The following FBXW7 variants were observed in gnomAD, a reference collection of about 807,000 sequenced individuals.
The protein encoded by FBXW7 is F-box/WD repeat-containing protein 7.
A neutral mutation model predicts 86.3 loss-of-function variants in FBXW7; 11 were observed. The observed-to-expected ratio is 0.13, with a 90% CI of 0.08 to 0.21. The LOEUF is 0.21. Among genes scored for constraint, FBXW7 ranks in the 10% least tolerant of loss-of-function variants. The pLI is 1.00. For missense variants in FBXW7, 488 were observed against 847.4 expected (o/e 0.58, Z 5.27); for synonymous variants, 313 against 297.9 (o/e 1.05, Z -0.52).
At chr4:152,468,731 T>A (rs1235089078) in intron 2 of FBXW7, among the ~76,000 whole-genome samples, 1 of 152,068 alleles carries the variant, frequency 6.6e-6, no homozygotes, top group African/African-American at 2.4e-5. Context: ...GTATATAAAT[T>A]TCATCTCAAT....
chr4:152,354,227 T>A lies in FBXW7; in HGVS notation c.502-4103A>T, dbSNP rs530744042. ...TTATATTCTACTGTCTACTTATCTT[T>A]AAAAAAAATCTCCTACCTGGCTCTT... On this transcript the variant is annotated intron_variant, in intron 4 of 13. Transcript: ENST00000281708. 9.9e-5 allele frequency among the ~76,000 whole-genome samples: 15 copies of A among 152,062 alleles called. No homozygotes were observed. The South Asian group carries it at 3.1e-3, about 32-fold the overall frequency.
At chr4:152,431,653 C>T (rs565461633) in intron 2 of FBXW7, among the ~76,000 whole-genome samples, 3 of 152,154 alleles carry the variant, frequency 2.0e-5, no homozygotes, top group Non-Finnish European at 4.4e-5. Flanking sequence ...CTGAACAATA[C>T]TTACCAAATG....
chr4:152,376,637 T>A (rs1579037382), intron 4 of FBXW7, among the ~76,000 whole-genome samples: 3 of 152,080 alleles, frequency 2.0e-5, no homozygotes, highest in African/African-American at 7.2e-5. Context: ...AACTGAACAA[T>A]GAAGAAAAAC....
chr4:152,362,845 A>AAC (rs1553961875), intron 4 of FBXW7, among the ~76,000 whole-genome samples: 5 of 151,638 alleles, frequency 3.3e-5, no homozygotes, highest in Admixed American at 2.6e-4. Flanking sequence ...AAAAAAAAAA[A>AAC]AAAACAACAA....
intron 2 of FBXW7, among the ~76,000 whole-genome samples, chr4:152,429,565 G>A (rs962989241): frequency 2.0e-4 from 30 of 152,134 alleles, no homozygotes; most frequent in African/African-American, 7.0e-4. Context: ...GATACAGCAA[G>A]ATACTAAGTA....
chr4:152,434,508 CTAA>C (rs1251127320), intron 2 of FBXW7, among the ~76,000 whole-genome samples: 1 of 152,148 alleles, frequency 6.6e-6, no homozygotes, highest in African/African-American at 2.4e-5. Flanking sequence ...ACCCCCTGTC[CTAA>C]TAATACTGCA....
intron 2 of FBXW7, among the ~76,000 whole-genome samples, chr4:152,464,467 C>T (rs1743231076): frequency 6.6e-6 from 1 of 152,154 alleles, no homozygotes; most frequent in African/African-American, 2.4e-5. Flanking sequence ...AGGGATAGGA[C>T]TGTTCATTTG....
chr4:152,397,770 G>C lies in FBXW7; in HGVS notation c.501+13533C>G, dbSNP rs1276162596. Among the ~76,000 whole-genome samples, 4 of 146,648 alleles carry C rather than the reference G, an allele frequency of 2.7e-5. No individual in the cohort carries two copies. The Admixed American group carries it at 2.7e-4, about 10-fold the overall frequency. On this transcript the variant is annotated intron_variant, in intron 4 of 13. Coordinates refer to ENST00000281708, the MANE Select transcript of FBXW7 (RefSeq NM_001349798.2). ...GTTTAAATATTCTTTACTCCACGATGATTAGGTGGTTATACCCCACAATAT... is the reference window on the plus strand; with the variant it reads ...GTTTAAATATTCTTTACTCCACGATCATTAGGTGGTTATACCCCACAATAT...
chr4:152,343,547 T>A (rs1182251667), intron 6 of FBXW7, among the ~76,000 whole-genome samples: 1 of 152,178 alleles, frequency 6.6e-6, no homozygotes, highest in Non-Finnish European at 1.5e-5. Flanking sequence ...TAAGAGACAA[T>A]GTCAAAATTT....
intron 2 of FBXW7, among the ~76,000 whole-genome samples, chr4:152,417,340 G>A (rs987513942): frequency 2.0e-5 from 3 of 152,092 alleles, no homozygotes; most frequent in African/African-American, 7.2e-5. Flanking sequence ...TCATATTCTA[G>A]CTAGTTGCAG....
chr4:152,373,110 G>A (rs766313710), intron 4 of FBXW7, among the ~76,000 whole-genome samples: 8 of 152,084 alleles, frequency 5.3e-5, no homozygotes, highest in East Asian at 3.9e-4. Flanking sequence ...CTCCAGATCC[G>A]TTTCCTGCAG....
At chr4:152,323,487 A>G (rs1029238720) in intron 13 of FBXW7, 4 of 315,078 alleles carry the variant, frequency 1.3e-5, no homozygotes, top group African/African-American at 6.4e-5. Flanking sequence ...TGATGGACAA[A>G]TGAGCACTAA....
At chr4:152,485,984 C>T (rs1019871783) in intron 2 of FBXW7, among the ~76,000 whole-genome samples, 1 of 152,220 alleles carries the variant, frequency 6.6e-6, no homozygotes, top group African/African-American at 2.4e-5. Flanking sequence ...CACAAGCCTA[C>T]ACGGTATAGC....
chr4:152,487,237 T>A (rs1455909598), intron 2 of FBXW7, among the ~76,000 whole-genome samples: 1 of 152,094 alleles, frequency 6.6e-6, no homozygotes, highest in Non-Finnish European at 1.5e-5. Flanking sequence ...GAAACAATGT[T>A]TACTCAGTCT....
intron 2 of FBXW7, among the ~76,000 whole-genome samples, chr4:152,523,450 CCCT>C (rs1259361787): frequency 5.9e-5 from 9 of 152,020 alleles, no homozygotes; most frequent in Non-Finnish European, 1.2e-4. Flanking sequence ...TTCTAGTATC[CCCT>C]CCTCTTAAGA....
At chr4:152,488,196 A>C (rs1745521697) in intron 2 of FBXW7, among the ~76,000 whole-genome samples, 1 of 152,070 alleles carries the variant, frequency 6.6e-6, no homozygotes, top group Non-Finnish European at 1.5e-5. Context: ...TTAAATATCA[A>C]TTAATAGGTC....
chr4:152,352,648 A>C (rs1193759718), intron 4 of FBXW7: 5 of 1,613,792 alleles, frequency 3.1e-6, no homozygotes. Flanking sequence ...CAGAAAAGGA[A>C]GATTAGGGAG....
chr4:152,330,980 T>C (rs1268273764), intron 8 of FBXW7, 112 bp from the exon 9 acceptor site: 2 of 1,035,870 alleles, frequency 1.9e-6, no homozygotes, highest in Non-Finnish European at 2.7e-6. Flanking sequence ...TCAAAACCAC[T>C]GAAATGCAAG....
intron 2 of FBXW7, among the ~76,000 whole-genome samples, chr4:152,474,614 T>C (rs1006012505): frequency 3.9e-5 from 6 of 152,222 alleles, no homozygotes; most frequent in African/African-American, 1.4e-4. Flanking sequence ...ATCTCTACCT[T>C]ATACAGAATT....
Sources: allele counts gnomAD v4.1 joint callset (sites outside exome capture counted in the v4.1 genomes callset), GRCh38; gene constraint gnomAD v4.1.1; transcripts MANE v1.5; gene names NCBI Gene and HGNC (gene_info 2026-07-23, HGNC 2026-07-21).